The following NSUN4 variants were observed in gnomAD, a reference collection of about 807,000 sequenced individuals.
NSUN4 encodes 5-cytosine rRNA methyltransferase NSUN4.
NSUN4 carries 31 observed loss-of-function variants against 43.8 expected under a neutral mutation model. The observed-to-expected ratio is 0.71, with a 90% CI of 0.53 to 0.96. The LOEUF (loss-of-function observed/expected upper bound fraction) is 0.96, where lower values mean the gene tolerates loss of function less well. NSUN4 is among the 40% of genes least tolerant of loss of function. The pLI, the probability that NSUN4 is intolerant of heterozygous loss-of-function variation, is 0.00. For missense variants in NSUN4, 439 were observed against 475.6 expected (o/e 0.92, Z 0.72); for synonymous variants, 167 against 184.1 (o/e 0.91, Z 0.75).
rs761629253 is a variant in NSUN4 at position 46,346,978 on chromosome 1, T to C, written c.495T>C (p.Pro165=). ...YYLMDAASLL[P]VLALGLQPGD... is the part of the protein sequence containing the mutation. ...TGATGGATGCTGCCTCCTTGCTGCC[T>C]GTTCTGGCCCTCGGCCTGCAGCCTG... Residue 165 remains proline, a synonymous_variant, in exon 3 of 6, where the codon CCT becomes CCC. Transcript: ENST00000474844. 1.2e-6 allele frequency: 2 copies of C among 1,614,186 alleles called. No individual in the cohort carries two copies. Among genetic ancestry groups the C allele is most frequent in the Non-Finnish European group, 1.7e-6 (2 of 1,180,008 alleles).
At chr1:46,384,935 A>G in the NSUN4 span, among the ~76,000 whole-genome samples, 7 of 152,154 alleles carry the variant, frequency 4.6e-5, no homozygotes, top group Non-Finnish European at 1.0e-4. Context: ...TGGAGGATAA[A>G]CCAAGTGTAT....
At position 46,344,929 on chromosome 1, in the gene NSUN4, T is replaced by C. The variant is rs757269334; in HGVS notation, c.222T>C (p.Gly74=). ...RVSLLSEQKY[G]ALVNNFAAWD... ...GTCTCCTCTCAGAGCAGAAGTATGG[T>C]GCACTGGTCAATAACTTTGCTGCCT... Residue 74 remains glycine (G), a synonymous_variant, in exon 2 of 6, where the codon GGT becomes GGC. Transcript: ENST00000474844. 1 of 1,614,220 alleles carries C rather than the reference T, an allele frequency of 6.2e-7. No individual in the cohort carries two copies. The highest frequency in any genetic ancestry group is 2.2e-5 in the East Asian group (1 of 44,888).
chr1:46,367,219 C>T (rs1664157555), downstream of NSUN4, among the ~76,000 whole-genome samples: 1 of 152,104 alleles, frequency 6.6e-6, no homozygotes, highest in Admixed American at 6.5e-5. Context: ...TTCCCATCTG[C>T]ATTCTTCATC....
chr1:46,378,819 C>T, the NSUN4 span, among the ~76,000 whole-genome samples: 7 of 152,132 alleles, frequency 4.6e-5, no homozygotes, highest in Non-Finnish European at 1.0e-4. Flanking sequence ...AAGGGCCTGA[C>T]CAAGGGCAAA....
At chr1:46,346,517 A>C (rs1241542648) in intron 2 of NSUN4, among the ~76,000 whole-genome samples, 1 of 138,902 alleles carries the variant, frequency 7.2e-6, no homozygotes, top group East Asian at 2.1e-4. Context: ...GCGCCACCGC[A>C]CTCCAGCCTG....
intron 4 of NSUN4, 59 bp downstream of exon 4, chr1:46,353,087 T>C: frequency 6.5e-7 from 1 of 1,531,770 alleles, no homozygotes; most frequent in Non-Finnish European, 9.0e-7. Context: ...CCATCCTGGT[T>C]CTAGGGCCTG....
At chr1:46,378,487 G>A in the NSUN4 span, among the ~76,000 whole-genome samples, 2 of 152,218 alleles carry the variant, frequency 1.3e-5, no homozygotes, top group African/African-American at 2.4e-5. Flanking sequence ...ATGAGCCACT[G>A]TGCCTGGCCA....
intron 1 of NSUN4, chr1:46,341,786 G>A (rs1325830238): frequency 1.5e-5 from 18 of 1,232,182 alleles, no homozygotes; most frequent in African/African-American, 4.7e-5. Flanking sequence ...TCAGCATTCC[G>A]GGGTCACCCC....
the NSUN4 span, among the ~76,000 whole-genome samples, chr1:46,383,017 T>A: frequency 6.6e-6 from 1 of 152,216 alleles, no homozygotes; most frequent in Admixed American, 6.5e-5. Context: ...TGTATCCGTG[T>A]AATTCATCCC....
chr1:46,345,936 G>T (rs1164649936), intron 2 of NSUN4, among the ~76,000 whole-genome samples: 1 of 151,918 alleles, frequency 6.6e-6, no homozygotes, highest in Non-Finnish European at 1.5e-5. Context: ...GATTGCCTGA[G>T]CTCAGGAGTT....
chr1:46,342,511 C>T, intron 1 of NSUN4: 1 of 399,114 alleles, frequency 2.5e-6, no homozygotes. Context: ...TCCCAGGCTC[C>T]CAGGAAGGCT....
chr1:46,344,845 G>A lies in NSUN4; in HGVS notation c.138G>A (p.Gln46=). 1 of 1,614,226 alleles carries A rather than the reference G, an allele frequency of 6.2e-7. No individual in the cohort carries two copies. Among genetic ancestry groups the A allele is most frequent in the Non-Finnish European group, 8.5e-7 (1 of 1,180,036 alleles). The change falls in exon 2 of 6, where the codon CAG becomes CAA. Residue 46 remains glutamine (Q), a synonymous_variant. Transcript: ENST00000474844. ...TCCCTGCTGTTCGACTGGCTTTGCA[G>A]AATTTTGACATGACTTACAGTGTGC... ...PKFPAVRLAL[Q]NFDMTYSVQF...
intron 4 of NSUN4, among the ~76,000 whole-genome samples, chr1:46,354,607 G>A (rs1465406874): frequency 6.6e-6 from 1 of 151,694 alleles, no homozygotes; most frequent in Admixed American, 6.6e-5. Flanking sequence ...TGGAATCTTA[G>A]ATAGGCTTGA....
At chr1:46,373,695 C>T in the NSUN4 span, among the ~76,000 whole-genome samples, 5 of 152,332 alleles carry the variant, frequency 3.3e-5, no homozygotes, top group African/African-American at 1.2e-4. Flanking sequence ...CCCATGAATC[C>T]ATTAACCAAT....
chr1:46,360,249 A>AAAAAAATATAT (rs1553177947), intron 4 of NSUN4, among the ~76,000 whole-genome samples: 5 of 25,766 alleles, frequency 1.9e-4, no homozygotes, highest in African/African-American at 6.5e-4. Context: ...AAAAAAAAAA[A>AAAAAAATATAT]ATATATATAT....
At chr1:46,349,663 A>G (rs1484649494) in intron 3 of NSUN4, among the ~76,000 whole-genome samples, 2 of 152,190 alleles carry the variant, frequency 1.3e-5, no homozygotes, top group Non-Finnish European at 2.9e-5. Flanking sequence ...GTCAGCATCC[A>G]GCCTTATGAT....
intron 1 of NSUN4, chr1:46,342,100 C>G (rs894540217): frequency 1.0e-5 from 5 of 497,066 alleles, no homozygotes; most frequent in Non-Finnish European, 1.3e-5. Flanking sequence ...GCTCGCCGGC[C>G]GGTGGAAACT....
chr1:46,370,934 A>T, the NSUN4 span: 1 of 152,566 alleles, frequency 6.6e-6, no homozygotes, highest in Non-Finnish European at 1.5e-5. Flanking sequence ...TTGCTGAAGG[A>T]TCCCAAAATG....
chr1:46,364,345 A>AG lies in NSUN4; in HGVS notation c.*2499_*2500insG, dbSNP rs1342265056. On this transcript the variant is annotated 3_prime_UTR_variant, in exon 6 of 6. Coordinates refer to ENST00000474844, the MANE Select transcript of NSUN4 (RefSeq NM_199044.4). ...GAGACTCTGTCTCAAAAAAAAAAAA[A>AG]AAAAAAAAGGCATTGGGATTTATAA... 73 of 152,008 alleles carry AG rather than the reference A, an allele frequency of 4.8e-4. 1 individual carries two copies. Among genetic ancestry groups the AG allele is most frequent in the African/African-American group, 1.6e-3 (68 of 41,226 alleles). 9.4% of individuals were successfully genotyped at this position (152,008 alleles called of 1,614,324 possible). A position where few individuals can be genotyped will look rare whatever the true frequency, so the allele number is the denominator to read the frequency against.
Sources: allele counts gnomAD v4.1 joint callset (sites outside exome capture counted in the v4.1 genomes callset), GRCh38; gene constraint gnomAD v4.1.1; transcripts MANE v1.5; gene names NCBI Gene and HGNC (gene_info 2026-07-23, HGNC 2026-07-21).